The following SH3BP1 variants were observed in gnomAD, a reference collection of about 807,000 sequenced individuals.
SH3BP1 encodes SH3 domain binding protein 1.
A neutral mutation model predicts 69.8 loss-of-function variants in SH3BP1; 46 were observed. That is an observed-to-expected ratio of 0.66 (90% CI 0.52 to 0.84). SH3BP1 has a LOEUF of 0.84. Among genes scored for constraint, SH3BP1 ranks in the 40% least tolerant of loss-of-function variants. SH3BP1 has a pLI of 0.00. For missense variants in SH3BP1, 868 were observed against 930.9 expected, an observed-to-expected ratio of 0.93 and a Z score of 0.88; for synonymous variants, 403 against 378.0, an observed-to-expected ratio of 1.07 and a Z score of -0.77.
At chr22:37,645,606 C>A in intron 10 of SH3BP1, 96 bp downstream of exon 10, 2 of 1,388,346 alleles carry the variant, frequency 1.4e-6, no homozygotes, top group East Asian at 2.3e-5. Context: ...CTGTAATTCC[C>A]TCATTCGAGC....
chr22:37,645,982 T>TTG (rs1932779781), intron 10 of SH3BP1, among the ~76,000 whole-genome samples: 1 of 144,268 alleles, frequency 6.9e-6, no homozygotes, highest in Non-Finnish European at 1.5e-5. Context: ...TTTTTTTTTT[T>TTG]GAGATATGGA....
At chr22:37,642,387 C>T (rs1932629012) in intron 3 of SH3BP1, 152 bp from the exon 4 acceptor site, 11 of 675,248 alleles carry the variant, frequency 1.6e-5, no homozygotes, top group Non-Finnish European at 2.8e-5. Context: ...GGAAATGTCA[C>T]CCCCACCACG....
intron 15 of SH3BP1, 92 bp from the exon 16 acceptor site, chr22:37,650,450 A>G (rs1932856283): frequency 1.4e-5 from 21 of 1,527,808 alleles, no homozygotes; most frequent in Non-Finnish European, 1.8e-5. Context: ...CATGGTCCAG[A>G]TGGGTTCAGG....
Position 37,655,769 on chromosome 22 carries a change from G to A in SH3BP1, c.*85G>A. The A allele has an allele frequency of 6.9e-7, 1 of 1,446,160 alleles. No homozygotes were observed. The highest frequency in any genetic ancestry group is 1.4e-5 in the African/African-American group (1 of 69,968). The allele number at this position is 1,446,160 out of a possible 1,614,324, so 89.6% of individuals were successfully genotyped here. ...AGGACAGCTCTCGCCCCCCACAAAG[G>A]GGCATGGGCCTCCAGCCTTTGCCCA... On this transcript the variant is annotated 3_prime_UTR_variant, in exon 18 of 18. Transcript: ENST00000649765.
chr22:37,655,258 T>C lies in SH3BP1; in HGVS notation c.1694-14T>C. On this transcript the variant is annotated splice_polypyrimidine_tract_variant and intron_variant, in intron 17 of 17. Coordinates refer to ENST00000649765, the MANE Select transcript of SH3BP1 (RefSeq NM_018957.6). ...TGGACACTCAGCCTCCCTCACCCTT[T>C]CCTTCCTCAACAGCCAAGCGCCCGG... 1 of 1,578,570 alleles carries C rather than the reference T, an allele frequency of 6.3e-7. No homozygotes were observed. The highest frequency in any genetic ancestry group is 1.1e-5 in the South Asian group (1 of 87,258).
intron 3 of SH3BP1, 165 bp from the exon 4 acceptor site, chr22:37,642,374 C>T (rs1932628376): frequency 3.1e-6 from 2 of 640,392 alleles, no homozygotes; most frequent in African/African-American, 3.6e-5. Context: ...TCCATGCTCT[C>T]AGGGAAATGT....
intron 7 of SH3BP1, 130 bp from the exon 8 acceptor site, chr22:37,644,507 G>C: frequency 1.1e-6 from 1 of 884,218 alleles, no homozygotes; most frequent in Non-Finnish European, 1.8e-6. Flanking sequence ...GGCAGAGAGA[G>C]GAGCCTGGCT....
At chr22:37,643,287 A>ACACACT in intron 6 of SH3BP1, 113 bp downstream of exon 6, 1 of 952,758 alleles carries the variant, frequency 1.0e-6, no homozygotes, top group Non-Finnish European at 1.6e-6. Context: ...TGCTGAGTAC[A>ACACACT]GTGTGTGTAC....
rs1932631706 is a variant in SH3BP1 at position 37,642,461 on chromosome 22, C to A, written c.208-78C>A. ...CCCTCCTGGGTTCCCTCCTCCCCTG[C>A]CCCAAGGGGCTGGCCTGGTGCTCAG... On this transcript the variant is annotated intron_variant, in intron 3 of 17. Coordinates refer to ENST00000649765, the MANE Select transcript of SH3BP1 (RefSeq NM_018957.6). 6 of 1,486,200 alleles carry A rather than the reference C, an allele frequency of 4.0e-6. No individual in the cohort carries two copies. In the South Asian group the frequency reaches 6.9e-5, roughly 17 times the overall value. The allele number at this position is 1,486,200 out of a possible 1,614,324, so 92.1% of individuals were successfully genotyped here.
intron 14 of SH3BP1, chr22:37,649,775 C>T (rs575353850): frequency 1.6e-5 from 5 of 311,724 alleles, no homozygotes; most frequent in South Asian, 1.1e-4. Context: ...GAGAGCAAGA[C>T]TCTGTCTCAA....
In SH3BP1 at chr22:37,648,430, A is replaced by G. The variant is rs1187845789; in HGVS notation, c.1311A>G (p.Lys437=). 1 of 1,562,724 alleles carries G rather than the reference A, an allele frequency of 6.4e-7. No individual in the cohort carries two copies. Among genetic ancestry groups the G allele is most frequent in the Admixed American group, 1.9e-5 (1 of 52,030 alleles). ...CCAACTTGCTGTGGCCACCTGAGAA[A>G]GAAGGGTGAGGGGCCGCGGGCTGGG... ...LGPNLLWPPE[K]EGDQAQLDAA... Residue 437 remains lysine, a synonymous_variant, in exon 14 of 18, where the codon AAA becomes AAG. Transcript: ENST00000649765.
At chr22:37,645,855 T>C (rs1485504568) in intron 10 of SH3BP1, among the ~76,000 whole-genome samples, 1 of 152,048 alleles carries the variant, frequency 6.6e-6, no homozygotes, top group African/African-American at 2.4e-5. Context: ...TGTGAATACA[T>C]TGCCCCCCTG....
In SH3BP1 at chr22:37,650,684, A is replaced by G. The variant is rs909974755; in HGVS notation, c.1557A>G (p.Pro519=). The change falls in exon 16 of 18, where the codon CCA becomes CCG. Residue 519 remains proline (P), a synonymous_variant. Coordinates refer to ENST00000649765, the MANE Select transcript of SH3BP1 (RefSeq NM_018957.6). ...TTPAPAPAPA[P]APAPALASAA... is the part of the protein sequence containing the mutation. Reference sequence around the variant, plus strand: ...CGGCTCCGGCTCCGGCTCCAGCTCCAGCTCCGGCCCCAGCCTTGGCTTCAG... The same window carrying G: ...CGGCTCCGGCTCCGGCTCCAGCTCCGGCTCCGGCCCCAGCCTTGGCTTCAG... 3.1e-6 allele frequency: 5 copies of G among 1,613,420 alleles called. No individual in the cohort carries two copies. The highest frequency in any genetic ancestry group is 1.1e-5 in the South Asian group (1 of 91,024).
chr22:37,645,244 G>C, intron 9 of SH3BP1, 121 bp from the exon 10 acceptor site: 1 of 1,278,660 alleles, frequency 7.8e-7, no homozygotes, highest in Admixed American at 2.1e-5. Flanking sequence ...GATGATTTCA[G>C]ATGTGTGCCT....
At chr22:37,640,821 C>T (rs1320194626) in intron 1 of SH3BP1, 2 of 457,338 alleles carry the variant, frequency 4.4e-6, no homozygotes, top group Admixed American at 4.0e-5. Context: ...AAAGAGGCTT[C>T]TGTGTCCCAA....
chr22:37,650,067 T>C (rs759015256), intron 14 of SH3BP1, 85 bp from the exon 15 acceptor site: 10 of 1,418,300 alleles, frequency 7.1e-6, no homozygotes, highest in Admixed American at 1.7e-5. Context: ...TGATGGATCC[T>C]TGTGTCTCCA....
At chr22:37,639,899 TC>T in intron 1 of SH3BP1, 53 bp downstream of exon 1, 1 of 1,271,628 alleles carries the variant, frequency 7.9e-7, no homozygotes, top group Non-Finnish European at 1.1e-6. Flanking sequence ...ACTTGAGGGG[TC>T]GTAAAAGGGT....
chr22:37,642,493 T>C, intron 3 of SH3BP1, 46 bp from the exon 4 acceptor site: 1 of 1,598,116 alleles, frequency 6.3e-7, no homozygotes, highest in Non-Finnish European at 8.6e-7. Flanking sequence ...TCAGGCAGGG[T>C]GGAGGGAGGC....
In SH3BP1 at chr22:37,645,431, T is replaced by C; in HGVS notation, c.845T>C (p.Leu282Pro). Residue 282 changes from leucine to proline, a missense_variant, in exon 10 of 18, where the codon CTG becomes CCG. Leu to Pro is a moderately conservative substitution (Grantham distance 98). Transcript: ENST00000649765. ...RVYGVSLATH[L>P]QELGREIALP... ...TATGGGGTGTCGCTGGCAACCCACC[T>C]GCAAGAGCTGGGCCGGGAGATTGCC... is the stretch of plus-strand genomic sequence containing the variant. The C allele has an allele frequency of 6.2e-7, 1 of 1,613,914 alleles. No individual in the cohort carries two copies. The highest frequency in any genetic ancestry group is 8.5e-7 in the Non-Finnish European group (1 of 1,179,872).
Sources: gnomAD v4.1 joint callset for allele counts (sites outside exome capture counted in the v4.1 genomes callset) on GRCh38, gnomAD v4.1.1 for gene constraint, MANE v1.5 for transcripts, NCBI Gene and HGNC (gene_info 2026-07-23, HGNC 2026-07-21) for gene names.